KALRN: variants seen among roughly 807,000 people sequenced by gnomAD.
KALRN encodes the protein kalirin.
In KALRN, 70 loss-of-function variants were observed where a neutral mutation model predicts 353.7. The ratio of observed to expected loss-of-function variants is 0.20; its 90% confidence interval spans 0.16 to 0.24. KALRN has a LOEUF of 0.24. Ranked by LOEUF, KALRN falls within the 10% of genes least tolerant of loss-of-function variation. The probability of loss-of-function intolerance (pLI) is 1.00; values close to 1 mark genes in which losing one functional copy is unlikely to be tolerated. For missense variants in KALRN, 2,791 were observed against 3,756.7 expected (o/e 0.74, Z 6.72); for synonymous variants, 1,391 against 1,434.8 (o/e 0.97, Z 0.69).
intron 34 of KALRN, among the ~76,000 whole-genome samples, chr3:124,568,421 C>T (rs2073114696): frequency 6.6e-6 from 1 of 152,126 alleles, no homozygotes; most frequent in Admixed American, 6.5e-5. Flanking sequence ...CAAAATGGTA[C>T]AGCTGCCATG....
intron 57 of KALRN, among the ~76,000 whole-genome samples, chr3:124,706,049 GAC>G (rs1212506261): frequency 6.6e-6 from 1 of 152,042 alleles, no homozygotes; most frequent in East Asian, 1.9e-4. Context: ...TGGGACTACA[GAC>G]ACACACCATT....
chr3:124,408,063 G>A (rs1350428123), intron 13 of KALRN, among the ~76,000 whole-genome samples: 1 of 152,190 alleles, frequency 6.6e-6, no homozygotes, highest in African/African-American at 2.4e-5. Context: ...GTGAGCCACT[G>A]TGCCTGGCCA....
At chr3:124,468,902 G>A (rs535877729) in intron 25 of KALRN, among the ~76,000 whole-genome samples, 1 of 152,318 alleles carries the variant, frequency 6.6e-6, no homozygotes, top group African/African-American at 2.4e-5. Flanking sequence ...TTTTCAGTAA[G>A]CTATCAACAT....
chr3:124,044,653 A>G (rs2040262270), intron 1 of KALRN, among the ~76,000 whole-genome samples: 1 of 151,844 alleles, frequency 6.6e-6, no homozygotes, highest in Non-Finnish European at 1.5e-5. Context: ...GTTAATAGAT[A>G]TATTCTGATA....
chr3:124,428,787 G>A (rs1473425507), intron 15 of KALRN, among the ~76,000 whole-genome samples: 1 of 152,154 alleles, frequency 6.6e-6, no homozygotes, highest in Non-Finnish European at 1.5e-5. Flanking sequence ...CTTGTAAGTA[G>A]GGATCCCACC....
chr3:124,717,167 C>A, intron 58 of KALRN, 80 bp from the exon 59 acceptor site: 1 of 1,346,990 alleles, frequency 7.4e-7, no homozygotes, highest in Non-Finnish European at 1.0e-6. Context: ...GTTTAGAGAT[C>A]TTACTGATTT....
At chr3:124,405,700 A>G (rs148528159) in intron 13 of KALRN, among the ~76,000 whole-genome samples, 1,559 of 138,846 alleles carry the variant, frequency 0.011, 28 homozygotes, top group East Asian at 0.093. Flanking sequence ...CTGGAGTGCA[A>G]TGACACAATC....
In KALRN at chr3:124,439,846, C is replaced by T. The variant is rs542579531; in HGVS notation, c.3198+809C>T. Among the ~76,000 whole-genome samples, 8 of 152,324 alleles carry T rather than the reference C, an allele frequency of 5.3e-5. 1 individual carries two copies. The South Asian group carries it at 1.5e-3, about 28-fold the overall frequency. ...ATCTTCTCCTCTGATCGCCTCTCTT[C>T]TGTGTTCAAGCTCATCTAAAGGCTG... On this transcript the variant is annotated intron_variant, in intron 18 of 59. Transcript: ENST00000682506.
At chr3:124,378,994 A>G (rs2149871842) in intron 10 of KALRN, among the ~76,000 whole-genome samples, 1 of 152,108 alleles carries the variant, frequency 6.6e-6, no homozygotes, top group South Asian at 2.1e-4. Flanking sequence ...ATCTTTAGGT[A>G]TCTTTTCCAA....
At chr3:124,494,316 G>T (rs2108499589) in intron 32 of KALRN, among the ~76,000 whole-genome samples, 1 of 152,272 alleles carries the variant, frequency 6.6e-6, no homozygotes, top group East Asian at 1.9e-4. Flanking sequence ...GGAGTTCATT[G>T]GTTGGGGAAT....
At chr3:124,462,667 T>C (rs1421575508) in intron 25 of KALRN, 34 bp downstream of exon 25, 1 of 1,277,974 alleles carries the variant, frequency 7.8e-7, no homozygotes, top group Non-Finnish European at 1.1e-6. Flanking sequence ...GGTGCACACT[T>C]AGGCCGTAAA....
chr3:124,542,712 T>G (rs1228241931), intron 33 of KALRN, among the ~76,000 whole-genome samples: 5 of 152,142 alleles, frequency 3.3e-5, no homozygotes, highest in Admixed American at 3.3e-4. Flanking sequence ...CAAACTCCCT[T>G]TATGTGCAGA....
chr3:124,587,083 A>G (rs1042674245), intron 34 of KALRN, among the ~76,000 whole-genome samples: 2 of 152,190 alleles, frequency 1.3e-5, no homozygotes, highest in African/African-American at 4.8e-5. Context: ...AACACCCAAA[A>G]GGGCTGAGGG....
chr3:124,193,263 GT>G (rs1211978190), intron 1 of KALRN, among the ~76,000 whole-genome samples: 1 of 152,080 alleles, frequency 6.6e-6, no homozygotes, highest in East Asian at 1.9e-4. Context: ...GGGAACTGGA[GT>G]ATCCTTCCTC....
chr3:124,504,037 C>T (rs2064927052), intron 33 of KALRN, among the ~76,000 whole-genome samples: 1 of 152,180 alleles, frequency 6.6e-6, no homozygotes, highest in African/African-American at 2.4e-5. Flanking sequence ...ACACACGCAG[C>T]TTGCAGGAAA....
chr3:124,527,097 A>G (rs2067653018), intron 33 of KALRN, among the ~76,000 whole-genome samples: 1 of 152,162 alleles, frequency 6.6e-6, no homozygotes, highest in African/African-American at 2.4e-5. Flanking sequence ...GCTGCAAAGG[A>G]ATGTAGGGAG....
intron 5 of KALRN, among the ~76,000 whole-genome samples, chr3:124,271,118 A>G (rs1414151563): frequency 6.6e-6 from 1 of 152,194 alleles, no homozygotes; most frequent in Non-Finnish European, 1.5e-5. Flanking sequence ...GGCGTGAGCC[A>G]CCGTGCCCGG....
rs73860934 is a variant in KALRN, at chr3:124,254,232, A to G, written c.264-10266A>G. ...CTTCCAGAGTTCTCATGGTTTTATAAAAGACCTGGAGTAAGGCAGTTGACA... is the reference window on the plus strand; with the variant it reads ...CTTCCAGAGTTCTCATGGTTTTATAGAAGACCTGGAGTAAGGCAGTTGACA... On this transcript the variant is annotated intron_variant, in intron 3 of 59. Coordinates refer to ENST00000682506, the MANE Select transcript of KALRN (RefSeq NM_001388419.1). Among the ~76,000 whole-genome samples the G allele has an allele frequency of 4.9e-3, 751 of 152,244 alleles. 8 individuals are homozygous for G. The highest frequency in any genetic ancestry group is 0.017 in the African/African-American group (726 of 41,524).
chr3:124,203,288 A>T (rs1234162249), intron 1 of KALRN, among the ~76,000 whole-genome samples: 2 of 152,108 alleles, frequency 1.3e-5, no homozygotes, highest in Non-Finnish European at 2.9e-5. Context: ...CAGCCTTCTC[A>T]TTAACCCATT....
Sources: allele counts gnomAD v4.1 joint callset (sites outside exome capture counted in the v4.1 genomes callset), GRCh38; gene constraint gnomAD v4.1.1; transcripts MANE v1.5; gene names NCBI Gene and HGNC (gene_info 2026-07-23, HGNC 2026-07-21).